The following IL6ST variants were observed in gnomAD, a reference collection of about 807,000 sequenced individuals.
IL6ST encodes the protein interleukin-6 receptor subunit beta.
Under a neutral mutation model 91.3 loss-of-function variants are expected in IL6ST, and 24 were observed. That is an observed-to-expected ratio of 0.26 (90% CI 0.19 to 0.37). The LOEUF (loss-of-function observed/expected upper bound fraction) is 0.37, where lower values mean the gene tolerates loss of function less well. IL6ST is among the 10% of genes least tolerant of loss of function. The pLI, the probability that IL6ST is intolerant of heterozygous loss-of-function variation, is 1.00. For missense variants in IL6ST, 914 were observed against 1,078.5 expected (o/e 0.85, Z 2.14); for synonymous variants, 351 against 373.6 (o/e 0.94, Z 0.70).
At chr5:55,976,157 T>G (rs760305592) in intron 3 of IL6ST, 58 bp downstream of exon 3, 1 of 729,464 alleles carries the variant, frequency 1.4e-6, no homozygotes, top group Non-Finnish European at 2.1e-6. Flanking sequence ...TATAATAATA[T>G]AAAAATATAT....
intron 3 of IL6ST, among the ~76,000 whole-genome samples, chr5:55,971,731 T>C (rs759018651): frequency 2.0e-5 from 3 of 152,030 alleles, no homozygotes; most frequent in Non-Finnish European, 4.4e-5. Context: ...GAGGGTCGTG[T>C]GCTGAGGCAG....
chr5:55,974,958 C>CAT (rs1223633786), intron 3 of IL6ST, among the ~76,000 whole-genome samples: 6 of 101,294 alleles, frequency 5.9e-5, no homozygotes, highest in Non-Finnish European at 1.3e-4. Flanking sequence ...CACACACATA[C>CAT]ACACACACAC....
At chr5:55,987,137 C>A (rs1330481914) in intron 1 of IL6ST, among the ~76,000 whole-genome samples, 1 of 152,176 alleles carries the variant, frequency 6.6e-6, no homozygotes, top group Non-Finnish European at 1.5e-5. Flanking sequence ...TGCATTCCAG[C>A]CTGGGTGACA....
intron 15 of IL6ST, among the ~76,000 whole-genome samples, chr5:55,945,636 A>G (rs1751195490): frequency 6.6e-6 from 1 of 150,858 alleles, no homozygotes; most frequent in South Asian, 2.1e-4. Flanking sequence ...TCATCAAAAT[A>G]AAAAACTTAT....
chr5:55,987,399 T>C (rs1446977098), intron 1 of IL6ST, among the ~76,000 whole-genome samples: 2 of 152,202 alleles, frequency 1.3e-5, no homozygotes, highest in African/African-American at 2.4e-5. Context: ...ATTACTATAT[T>C]AACAGACCAA....
At chr5:55,943,504 G>T (rs976452735) in intron 15 of IL6ST, among the ~76,000 whole-genome samples, 2 of 152,078 alleles carry the variant, frequency 1.3e-5, no homozygotes, top group East Asian at 3.9e-4. Flanking sequence ...GACAGATAAG[G>T]CACATAAAGA....
chr5:55,972,446 A>G (rs1753018513), intron 3 of IL6ST, among the ~76,000 whole-genome samples: 2 of 152,020 alleles, frequency 1.3e-5, no homozygotes, highest in Non-Finnish European at 2.9e-5. Context: ...CAGGAGGCGG[A>G]GCTTGCAGTG....
At chr5:55,968,145 T>G (rs1752748450) in intron 5 of IL6ST, 131 bp downstream of exon 5, 7 of 912,722 alleles carry the variant, frequency 7.7e-6, no homozygotes, top group African/African-American at 1.8e-5. Context: ...TACATATATT[T>G]GAAATGTTAC....
chr5:55,971,015 T>C (rs556235939), intron 3 of IL6ST, among the ~76,000 whole-genome samples: 83 of 152,308 alleles, frequency 5.4e-4, no homozygotes, highest in African/African-American at 1.1e-3. Flanking sequence ...ATTGATGACA[T>C]CTCAATCCCT....
At chr5:55,991,957 A>G (rs537153151) in intron 1 of IL6ST, among the ~76,000 whole-genome samples, 2 of 152,254 alleles carry the variant, frequency 1.3e-5, no homozygotes, top group South Asian at 4.2e-4. Context: ...CTTATCTTTC[A>G]TCACTCCCTA....
At chr5:55,968,056 G>A (rs191398832) in intron 5 of IL6ST, among the ~76,000 whole-genome samples, 3 of 152,090 alleles carry the variant, frequency 2.0e-5, no homozygotes, top group Non-Finnish European at 2.9e-5. Flanking sequence ...CTCAGCCTCC[G>A]TAAGTGCTGG....
At chr5:55,975,152 C>T (rs567126869) in intron 3 of IL6ST, among the ~76,000 whole-genome samples, 3 of 152,060 alleles carry the variant, frequency 2.0e-5, no homozygotes, top group African/African-American at 7.2e-5. Context: ...ATCTGTGTCC[C>T]CACCCAAATC....
chr5:55,946,797 C>T (rs950140283), intron 15 of IL6ST, among the ~76,000 whole-genome samples: 33 of 146,928 alleles, frequency 2.2e-4, no homozygotes, highest in African/African-American at 8.4e-4. Context: ...AGTAAGGGAA[C>T]AGAGTGAGAC....
At chr5:55,955,782 A>T (rs1030454114) in intron 10 of IL6ST, among the ~76,000 whole-genome samples, 1 of 152,184 alleles carries the variant, frequency 6.6e-6, no homozygotes, top group South Asian at 2.1e-4. Context: ...GCACTTTGGG[A>T]GGCCAGGGGA....
rs140478948 is a variant in IL6ST at position 55,987,220 on chromosome 5, A to G, written c.-103-4409T>C. Among the ~76,000 whole-genome samples the G allele has an allele frequency of 2.1e-3, 321 of 152,258 alleles. 2 individuals are homozygous for G. The highest frequency in any genetic ancestry group is 7.4e-3 in the African/African-American group (309 of 41,542). ...TTTTAATTCCTTTGTATAGATCCGT[A>G]TTTCCATCTGGTATCATTTTCCTTG... On this transcript the variant is annotated intron_variant, in intron 1 of 16. Transcript: ENST00000381298.
intron 1 of IL6ST, among the ~76,000 whole-genome samples, chr5:55,986,248 T>C (rs1753961811): frequency 1.3e-5 from 2 of 152,358 alleles, no homozygotes; most frequent in African/African-American, 4.8e-5. Context: ...TTACTTCTCC[T>C]TGCAGTTTTT....
chr5:55,943,889 G>T (rs1264192994), intron 15 of IL6ST, among the ~76,000 whole-genome samples: 1 of 152,100 alleles, frequency 6.6e-6, no homozygotes, highest in Non-Finnish European at 1.5e-5. Context: ...GGCCAACATG[G>T]TGAAACCCCC....
At chr5:55,944,735 C>T (rs1468670420) in intron 15 of IL6ST, 5 of 1,034,776 alleles carry the variant, frequency 4.8e-6, no homozygotes, top group Admixed American at 4.0e-5. Flanking sequence ...TCCAAGTAAA[C>T]CGCTAGCTTG....
At chr5:55,980,143 GT>G (rs1753567561) in intron 2 of IL6ST, among the ~76,000 whole-genome samples, 1 of 152,194 alleles carries the variant, frequency 6.6e-6, no homozygotes, top group South Asian at 2.1e-4. Context: ...CTGTGACAGG[GT>G]ATTTGAGAGA....
Sources: gnomAD v4.1 joint callset for allele counts (sites outside exome capture counted in the v4.1 genomes callset) on GRCh38, gnomAD v4.1.1 for gene constraint, MANE v1.5 for transcripts, NCBI Gene and HGNC (gene_info 2026-07-23, HGNC 2026-07-21) for gene names.